The following PDLIM3 variants were observed in gnomAD, a reference collection of about 807,000 sequenced individuals.
PDLIM3 encodes PDZ and LIM domain 3.
In PDLIM3, 36 loss-of-function variants were observed where a neutral mutation model predicts 37.3. The observed-to-expected ratio is 0.97, with a 90% CI of 0.74 to 1.28. The LOEUF (loss-of-function observed/expected upper bound fraction) is 1.28, where lower values mean the gene tolerates loss of function less well. Among genes scored for constraint, PDLIM3 ranks in the 50% most tolerant of loss-of-function variants. The pLI, the probability that PDLIM3 is intolerant of heterozygous loss-of-function variation, is 0.00. For missense variants in PDLIM3, 454 were observed against 485.0 expected, an observed-to-expected ratio of 0.94 and a Z score of 0.60; for synonymous variants, 174 against 182.4, an observed-to-expected ratio of 0.95 and a Z score of 0.37.
chr4:185,525,081 G>A lies in PDLIM3; in HGVS notation c.184C>T (p.His62Tyr), dbSNP rs762274624. Reference protein sequence around the residue: ...IDGFGTESMTHADAQDRIKAA... With the variant: ...IDGFGTESMTYADAQDRIKAA... ...TTAATCCTGTCCTGCGCATCAGCAT[G>A]AGTCATGGACTCTGTCCCAAAGCCG... Residue 62 changes from histidine to tyrosine, a missense_variant, in exon 2 of 8, where the codon CAT (histidine) becomes TAT (tyrosine). Transcript: ENST00000284767. 1 of 1,614,112 alleles carries A rather than the reference G, an allele frequency of 6.2e-7. No homozygotes were observed. The highest frequency in any genetic ancestry group is 1.7e-5 in the Admixed American group (1 of 60,016).
Position 185,523,373 on chromosome 4 carries a change from A to G in PDLIM3, c.319T>C (p.Ser107Pro), listed in dbSNP as rs1448422407. ...KAHPFKINLE[S>P]EPQDGNYFEH... ...TCTAAAACGCATACCTGTGGTTCTG[A>G]TTCTAAGTTGATTTTGAAAGGATGG... Residue 107 changes from serine to proline, a missense_variant, in exon 3 of 8, where the codon TCA (serine) becomes CCA (proline). Transcript: ENST00000284767. 9.3e-6 allele frequency: 15 copies of G among 1,608,212 alleles called. No individual in the cohort carries two copies. The highest frequency in any genetic ancestry group is 1.2e-5 in the Non-Finnish European group (14 of 1,174,764).
chr4:185,512,088 TA>T (rs2095707486), intron 4 of PDLIM3: 5 of 124,030 alleles, frequency 4.0e-5, no homozygotes, highest in African/African-American at 1.4e-4. Context: ...GGCACTCTTA[TA>T]ATTCTTTTTT....
chr4:185,535,201 G>A, intron 1 of PDLIM3, 141 bp downstream of exon 1: 1 of 663,074 alleles, frequency 1.5e-6, no homozygotes, highest in African/African-American at 1.9e-5. Flanking sequence ...GCTGGGCGCC[G>A]AAGCCCGGGA....
At chr4:185,519,808 C>G (rs2095720505) in intron 3 of PDLIM3, among the ~76,000 whole-genome samples, 1 of 152,084 alleles carries the variant, frequency 6.6e-6, no homozygotes, top group Non-Finnish European at 1.5e-5. Flanking sequence ...ACATAACTTA[C>G]AATAAAAGTT....
At chr4:185,505,503 C>A (rs145073512) in intron 6 of PDLIM3, among the ~76,000 whole-genome samples, 1 of 152,058 alleles carries the variant, frequency 6.6e-6, no homozygotes, top group African/African-American at 2.4e-5. Context: ...TGCCTGTAAT[C>A]CCATCTACTT....
Position 185,513,180 on chromosome 4 carries a change from G to A in PDLIM3, c.398+1090C>T, listed in dbSNP as rs947520745. On this transcript the variant is annotated intron_variant, in intron 4 of 7. Coordinates refer to ENST00000284767, the MANE Select transcript of PDLIM3 (RefSeq NM_014476.6). ...ACACTGAGCTCACGTTCTAGGGGGG[G>A]GAAGATGTGTTTGCTCATGGTTGCC... 13 of 985,212 alleles carry A rather than the reference G, an allele frequency of 1.3e-5. No individual in the cohort carries two copies. In the African/African-American group the frequency reaches 1.4e-4, roughly 11 times the overall value. 61.0% of individuals were successfully genotyped at this position (985,212 alleles called of 1,614,324 possible).
intron 5 of PDLIM3, 68 bp downstream of exon 5, chr4:185,508,231 C>CACCA: frequency 7.0e-7 from 1 of 1,432,344 alleles, no homozygotes; most frequent in Admixed American, 1.7e-5. Context: ...TGTTAAAAGA[C>CACCA]ACCAGTAAAG....
chr4:185,503,052 C>T (rs900937075), intron 7 of PDLIM3, among the ~76,000 whole-genome samples: 12 of 151,950 alleles, frequency 7.9e-5, no homozygotes, highest in East Asian at 1.9e-4. Context: ...ACGGTGAAAC[C>T]CCATCTCTAC....
intron 3 of PDLIM3, chr4:185,516,427 A>C (rs2153336286): frequency 6.6e-6 from 1 of 152,336 alleles, no homozygotes; most frequent in African/African-American, 2.4e-5. Context: ...CATTTCAGAT[A>C]AGTTGTGGGT....
intron 1 of PDLIM3, among the ~76,000 whole-genome samples, chr4:185,526,450 T>C (rs1324304488): frequency 3.4e-4 from 51 of 152,222 alleles, no homozygotes; most frequent in Admixed American, 3.3e-3. Context: ...CACATGTTTT[T>C]CAGGGGCAGG....
chr4:185,512,833 G>GT, intron 4 of PDLIM3: 1 of 875,384 alleles, frequency 1.1e-6, no homozygotes, highest in Non-Finnish European at 1.4e-6. Flanking sequence ...TGTTATTGGG[G>GT]TTGGGTTGGG....
intron 4 of PDLIM3, chr4:185,512,238 T>C (rs1490108869): frequency 1.3e-5 from 2 of 152,050 alleles, no homozygotes; most frequent in South Asian, 4.2e-4. Flanking sequence ...CCCGCCACCA[T>C]GCCCAGCTAA....
rs1266209697 is a variant in PDLIM3, at chr4:185,522,442, AG to A, written c.330+919del. Among the ~76,000 whole-genome samples, 2 of 67,022 alleles carry A rather than the reference AG, an allele frequency of 3.0e-5. 1 individual carries two copies. Among genetic ancestry groups the A allele is most frequent in the African/African-American group, 5.5e-5 (2 of 36,686 alleles). 44.0% of individuals were successfully genotyped at this position (67,022 alleles called of 152,430 possible). A position where few individuals can be genotyped will look rare whatever the true frequency, so the allele number is the denominator to read the frequency against. On this transcript the variant is annotated intron_variant, in intron 3 of 7. Transcript: ENST00000284767. ...AAATCAGAGGCTTATGGAGACAAGT[AG>A]AAAACTTGAAGGACAAATTCAGGAG...
At chr4:185,513,226 C>T (rs2095709468) in intron 4 of PDLIM3, 1 of 985,422 alleles carries the variant, frequency 1.0e-6, no homozygotes, top group African/African-American at 1.7e-5. Context: ...CTTTCTCCTG[C>T]TCCTCTGGTC....
In PDLIM3 at chr4:185,533,197, A is replaced by G. The variant is rs547841930; in HGVS notation, c.93+2145T>C. Among the ~76,000 whole-genome samples the G allele has an allele frequency of 8.5e-5, 13 of 152,324 alleles. No homozygotes were observed. In the South Asian group the frequency reaches 2.7e-3, roughly 32 times the overall value. ...TTCCCATCAATGCCTGGCAAGCAAG[A>G]GAGTACAATAACACACTTACAACCT... On this transcript the variant is annotated intron_variant, in intron 1 of 7. Coordinates refer to ENST00000284767, the MANE Select transcript of PDLIM3 (RefSeq NM_014476.6).
At chr4:185,523,129 T>C in intron 3 of PDLIM3, 1 of 470,580 alleles carries the variant, frequency 2.1e-6, no homozygotes, top group Non-Finnish European at 3.8e-6. Context: ...TTAGCCAAAT[T>C]CTTTCTGATG....
Position 185,530,556 on chromosome 4 carries a change from A to G in PDLIM3, c.93+4786T>C, listed in dbSNP as rs565280764. On this transcript the variant is annotated intron_variant, in intron 1 of 7. Coordinates refer to ENST00000284767, the MANE Select transcript of PDLIM3 (RefSeq NM_014476.6). The stretch of plus-strand genomic sequence containing the variant: ...CATCAGATATAGACAATCATTTTAT[A>G]TCATGTACACAAAAGAAGCTTGCCC... 9.2e-5 allele frequency among the ~76,000 whole-genome samples: 14 copies of G among 152,332 alleles called. 1 individual carries two copies. In the South Asian group the frequency reaches 2.3e-3, roughly 25 times the overall value.
chr4:185,535,242 G>C, intron 1 of PDLIM3, 100 bp downstream of exon 1: 1 of 1,092,304 alleles, frequency 9.2e-7, no homozygotes, highest in South Asian at 1.4e-5. Flanking sequence ...CCGCCCTCGC[G>C]CGCTTTCTGG....
At position 185,503,216 on chromosome 4, in the gene PDLIM3, T is replaced by TC. The variant is rs1402834533; in HGVS notation, c.906-734_906-733insG. ...TCCAGCCTGGGCGACAGAGCGAGAC[T>TC]GTCTCAAAAACAACAACAACAATAA... On this transcript the variant is annotated intron_variant, in intron 7 of 7. Transcript: ENST00000284767. Among the ~76,000 whole-genome samples the TC allele has an allele frequency of 4.2e-5, 6 of 144,204 alleles. No individual in the cohort carries two copies. The East Asian group carries it at 1.2e-3, about 30-fold the overall frequency. 94.6% of individuals were successfully genotyped at this position (144,204 alleles called of 152,430 possible). A position where few individuals can be genotyped will look rare whatever the true frequency, so the allele number is the denominator to read the frequency against.
Sources: allele counts gnomAD v4.1 joint callset (sites outside exome capture counted in the v4.1 genomes callset), GRCh38; gene constraint gnomAD v4.1.1; transcripts MANE v1.5; gene names NCBI Gene and HGNC (gene_info 2026-07-23, HGNC 2026-07-21).